The following LTBP3 variants were observed in gnomAD, a reference collection of about 807,000 sequenced individuals.
The protein encoded by LTBP3 is latent transforming growth factor beta binding protein 3.
In LTBP3, 97 loss-of-function variants were observed where a neutral mutation model predicts 159.7. The ratio of observed to expected loss-of-function variants is 0.61; its 90% confidence interval spans 0.52 to 0.72. LTBP3 has a LOEUF of 0.72. Among genes scored for constraint, LTBP3 ranks in the 30% least tolerant of loss-of-function variants. The probability of loss-of-function intolerance (pLI) is 0.00; values close to 1 mark genes in which losing one functional copy is unlikely to be tolerated. For missense variants in LTBP3, 1,584 were observed against 1,864.3 expected, an observed-to-expected ratio of 0.85 and a Z score of 2.77; for synonymous variants, 824 against 777.1, an observed-to-expected ratio of 1.06 and a Z score of -1.00.
rs908115215 is a variant in LTBP3, at chr11:65,539,543, C to T, written c.3628+5G>A. The T allele has an allele frequency of 3.7e-6, 6 of 1,612,408 alleles. No homozygotes were observed. The Admixed American group carries it at 6.7e-5, about 18-fold the overall frequency. On this transcript the variant is annotated splice_donor_5th_base_variant and intron_variant, in intron 26 of 27. Transcript: ENST00000301873. Reference sequence around the variant, plus strand: ...CCCGCCACCGCCCGACCCGGCAGCACTCACCTCTTGGGGGCTTCCCCAACA... The same window carrying T: ...CCCGCCACCGCCCGACCCGGCAGCATTCACCTCTTGGGGGCTTCCCCAACA...
Position 65,552,948 on chromosome 11 carries a change from G to C in LTBP3, c.1098C>G (p.Arg366=), listed in dbSNP as rs1240110017. ...CAGGGTTGTTGAGGCAGTCACCATG[G>C]CGACACACGCCCGGCATTGCGCACT... ...INECAMPGVC[R]HGDCLNNPGS... is the part of the protein sequence containing the mutation. Residue 366 remains arginine (R), a synonymous_variant, in exon 6 of 28, where the codon CGC becomes CGG. Coordinates refer to ENST00000301873, the MANE Select transcript of LTBP3 (RefSeq NM_001130144.3). The surrounding 1 kb of genome is among the most constrained non-coding windows in gnomAD (Gnocchi z 6.0). 1 of 1,614,202 alleles carries C rather than the reference G, an allele frequency of 6.2e-7. No homozygotes were observed. Among genetic ancestry groups the C allele is most frequent in the South Asian group, 1.1e-5 (1 of 91,082 alleles).
At chr11:65,551,776 G>A in intron 8 of LTBP3, 196 bp downstream of exon 8, 1 of 905,478 alleles carries the variant, frequency 1.1e-6, no homozygotes, top group South Asian at 1.4e-5. Flanking sequence ...AGGTCAGGCT[G>A]TAGAAGGCTT....
rs1197308237 is a variant in LTBP3 at position 65,551,138 on chromosome 11, T to C, written c.1708A>G (p.Thr570Ala). The C allele has an allele frequency of 6.4e-7, 1 of 1,553,190 alleles. No homozygotes were observed. Among genetic ancestry groups the C allele is most frequent in the Non-Finnish European group, 8.7e-7 (1 of 1,148,620 alleles). ...GGGCGGGCCTTACCTGTGACCTGAGTGGGAGCGATCTCTACGGCGCTGCGG... is the reference window on the plus strand; with the variant it reads ...GGGCGGGCCTTACCTGTGACCTGAGCGGGAGCGATCTCTACGGCGCTGCGG... ...PSRSAVEIAP[T>A]QVTETDECRL... Residue 570 changes from threonine (T) to alanine (A), a missense_variant, in exon 11 of 28, where the codon ACT (threonine) becomes GCT (alanine). Thr to Ala is a moderately conservative substitution (Grantham distance 58). This residue lies in a region of LTBP3 where 565 missense variants were observed against 677.7 expected (regional missense o/e 0.83). Transcript: ENST00000301873.
At position 65,539,091 on chromosome 11, in the gene LTBP3, G is replaced by C; in HGVS notation, c.3901C>G (p.Arg1301Gly). The change falls in exon 28 of 28, where the codon CGC becomes GGC. Residue 1301 changes from arginine to glycine, a missense_variant. Arg to Gly is a moderately radical substitution (Grantham distance 125). This residue lies in a region of LTBP3 where 514 missense variants were observed against 530.3 expected (regional missense o/e 0.97). Transcript: ENST00000301873. ...SRPHGACVPQ[R>G]RR Reference sequence around the variant, plus strand: ...CGGCGTCGGCGGCGTCAGCGGCGGCGCTGGGGAACGCAGGCCCCGTGCGGG... The same window carrying C: ...CGGCGTCGGCGGCGTCAGCGGCGGCCCTGGGGAACGCAGGCCCCGTGCGGG... 1 of 1,426,364 alleles carries C rather than the reference G, an allele frequency of 7.0e-7. No individual in the cohort carries two copies. Among genetic ancestry groups the C allele is most frequent in the Non-Finnish European group, 9.2e-7 (1 of 1,086,346 alleles). 88.4% of individuals were successfully genotyped at this position (1,426,364 alleles called of 1,614,324 possible). A position where few individuals can be genotyped will look rare whatever the true frequency, so the allele number is the denominator to read the frequency against.
rs1203529790 is a variant in LTBP3 at position 65,540,121 on chromosome 11, G to A, written c.3277C>T (p.Arg1093Cys). Reference protein sequence around the residue: ...VDECQDPAACRPGRCVNLPGS... With the variant: ...VDECQDPAACCPGRCVNLPGS... ...GGCAGGTTGACGCAGCGGCCAGGGC[G>A]GCAGGCTGCCGGGTCCTGGCACTCG... The change falls in exon 24 of 28, where the codon CGC (arginine) becomes TGC (cysteine). Residue 1093 changes from arginine (R) to cysteine (C), a missense_variant. Physicochemically the swap from Arg to Cys is radical, Grantham distance 180. Coordinates refer to ENST00000301873, the MANE Select transcript of LTBP3 (RefSeq NM_001130144.3). 3 of 1,526,844 alleles carry A rather than the reference G, an allele frequency of 2.0e-6. No individual in the cohort carries two copies. Among genetic ancestry groups the A allele is most frequent in the African/African-American group, 2.8e-5 (2 of 72,620 alleles). 94.6% of individuals were successfully genotyped at this position (1,526,844 alleles called of 1,614,324 possible). A position where few individuals can be genotyped will look rare whatever the true frequency, so the allele number is the denominator to read the frequency against.
At chr11:65,542,921 G>A (rs1168129349) in intron 18 of LTBP3, 184 bp downstream of exon 18, 6 of 835,214 alleles carry the variant, frequency 7.2e-6, no homozygotes, top group Non-Finnish European at 1.2e-5. Context: ...TGGAAGGATG[G>A]ATGGATAGAA....
chr11:65,541,899 C>T, intron 18 of LTBP3, 171 bp from the exon 19 acceptor site: 1 of 727,306 alleles, frequency 1.4e-6, no homozygotes, highest in Middle Eastern at 3.8e-4. Context: ...TGGACATTAG[C>T]TGCTGTCCTT....
In LTBP3 at chr11:65,540,868, T is replaced by C; in HGVS notation, c.2977+3A>G. The C allele has an allele frequency of 6.2e-7, 1 of 1,610,736 alleles. No homozygotes were observed. ...GGGGCGGGCGGAGCCGCAGGGCGCT[T>C]ACCACGGTGGGCTGGGATGCCGTAG... On this transcript the variant is annotated splice_donor_region_variant and intron_variant, in intron 21 of 27. Coordinates refer to ENST00000301873, the MANE Select transcript of LTBP3 (RefSeq NM_001130144.3).
In LTBP3 at chr11:65,552,238, C is replaced by G. The variant is rs1378977930; in HGVS notation, c.1345+10G>C. On this transcript the variant is annotated intron_variant, in intron 7 of 27. Coordinates refer to ENST00000301873, the MANE Select transcript of LTBP3 (RefSeq NM_001130144.3). The surrounding 1 kb of genome is among the most constrained non-coding windows in gnomAD (Gnocchi z 6.0). ...CTATGAACCCCTATCCCCGGGTAAC[C>G]CTGACTCACCGGTGCCATCTGTTGG... The G allele has an allele frequency of 1.2e-6, 2 of 1,614,132 alleles. No individual in the cohort carries two copies. The highest frequency in any genetic ancestry group is 3.3e-5 in the Admixed American group (2 of 60,026).
chr11:65,546,633 T>C lies in LTBP3; in HGVS notation c.2231-69A>G. The C allele has an allele frequency of 6.3e-7, 1 of 1,592,394 alleles. No homozygotes were observed. Among genetic ancestry groups the C allele is most frequent in the Admixed American group, 1.7e-5 (1 of 59,516 alleles). On this transcript the variant is annotated intron_variant, in intron 15 of 27. Coordinates refer to ENST00000301873, the MANE Select transcript of LTBP3 (RefSeq NM_001130144.3). This position sits in a 1 kb window ranked among gnomAD's most constrained non-coding sequence, Gnocchi z 4.0. ...GCGGACCGCGCACCTCGCGGGGGTG[T>C]GGGTCTCTTCCCTGGAACGCGGGGT...
In LTBP3 at chr11:65,553,076, T is replaced by A. The variant is rs1856670616; in HGVS notation, c.1063+88A>T. ...CTCAGGGTCTTGCCCCAGCCCCACC[T>A]CCTCTCTCGCCCACCTTGGGACCCT... On this transcript the variant is annotated intron_variant, in intron 5 of 27. Coordinates refer to ENST00000301873, the MANE Select transcript of LTBP3 (RefSeq NM_001130144.3). The surrounding 1 kb of genome is among the most constrained non-coding windows in gnomAD (Gnocchi z 6.5). The A allele has an allele frequency of 6.2e-7, 1 of 1,605,074 alleles. No homozygotes were observed. The highest frequency in any genetic ancestry group is 1.3e-5 in the African/African-American group (1 of 74,608).
Position 65,543,523 on chromosome 11 carries a change from C to A in LTBP3, c.2380G>T (p.Val794Leu). Residue 794 changes from valine (V) to leucine (L), a missense_variant, in exon 17 of 28, where the codon GTG (valine) becomes TTG (leucine). Val to Leu is a conservative substitution (Grantham distance 32). This residue lies in a region of LTBP3 where 565 missense variants were observed against 677.7 expected (regional missense o/e 0.83). Coordinates refer to ENST00000301873, the MANE Select transcript of LTBP3 (RefSeq NM_001130144.3). ...TTGCTGCAGATGCCATTGTCACACA[C>A]GTCCCCAGCCTCACACTCGTCCACA... ...LDVDECEAGD[V>L]CDNGICSNTP... The A allele has an allele frequency of 6.2e-7, 1 of 1,614,102 alleles. No homozygotes were observed. The highest frequency in any genetic ancestry group is 1.3e-5 in the African/African-American group (1 of 75,018).
chr11:65,539,823 G>A lies in LTBP3; in HGVS notation c.3444C>T (p.Cys1148=), dbSNP rs1442168258. The change falls in exon 25 of 28, where the codon TGC becomes TGT. Residue 1148 remains cysteine, a synonymous_variant. Coordinates refer to ENST00000301873, the MANE Select transcript of LTBP3 (RefSeq NM_001130144.3). ...GGGCAGGCCCGGCCAGGGGGCCAGC[G>A]CACATGCCGTCCTCTCCGCGCTGGC... is the stretch of plus-strand genomic sequence containing the variant. The part of the protein sequence containing the change: ...CWSQRGEDGM[C]AGPLAGPALT... 1.6e-5 allele frequency: 24 copies of A among 1,530,304 alleles called. No individual in the cohort carries two copies. Among genetic ancestry groups the A allele is most frequent in the Non-Finnish European group, 2.0e-5 (23 of 1,145,400 alleles). The allele number at this position is 1,530,304 out of a possible 1,614,324, so 94.8% of individuals were successfully genotyped here.
At chr11:65,540,721 G>A in intron 21 of LTBP3, 107 bp from the exon 22 acceptor site, 1 of 1,564,890 alleles carries the variant, frequency 6.4e-7, no homozygotes, top group Non-Finnish European at 8.7e-7. Context: ...GCCTACAGGA[G>A]GGGCGGGGCC....
Position 65,539,615 on chromosome 11 carries a change from C to T in LTBP3, c.3561G>A (p.Pro1187=), listed in dbSNP as rs758226823. The change falls in exon 26 of 28, where the codon CCG becomes CCA. Residue 1187 remains proline (P), a synonymous_variant. Coordinates refer to ENST00000301873, the MANE Select transcript of LTBP3 (RefSeq NM_001130144.3). ...CPPRGAGSHC[P]TSQSESNSFW... The stretch of plus-strand genomic sequence containing the variant: ...AGGAATTGCTCTCGCTCTGCGATGT[C>T]GGGCAATGGGACCCTGGGAGGAGCA... The T allele has an allele frequency of 2.5e-6, 4 of 1,611,212 alleles. No homozygotes were observed. The highest frequency in any genetic ancestry group is 1.1e-5 in the South Asian group (1 of 90,704).
At position 65,541,749 on chromosome 11, in the gene LTBP3, A is replaced by C. The variant is rs1289887433; in HGVS notation, c.2597-21T>G. The C allele has an allele frequency of 2.5e-6, 4 of 1,613,626 alleles. No individual in the cohort carries two copies. The South Asian group carries it at 4.4e-5, about 18-fold the overall frequency. ...TATGTCTGCGGGGCAAGAGTAGCGC[A>C]GCTGGAAACCCAGCCCCTCTTTCCC... On this transcript the variant is annotated intron_variant, in intron 18 of 27. Transcript: ENST00000301873.
At position 65,552,947 on chromosome 11, in the gene LTBP3, G is replaced by A; in HGVS notation, c.1099C>T (p.His367Tyr). The A allele has an allele frequency of 6.2e-7, 1 of 1,614,204 alleles. No homozygotes were observed. Residue 367 changes from histidine (H) to tyrosine (Y), a missense_variant, in exon 6 of 28, where the codon CAT (histidine) becomes TAT (tyrosine). Physicochemically the swap from His to Tyr is moderately conservative, Grantham distance 83 (BLOSUM62 2). Coordinates refer to ENST00000301873, the MANE Select transcript of LTBP3 (RefSeq NM_001130144.3). The surrounding 1 kb of genome is among the most constrained non-coding windows in gnomAD (Gnocchi z 6.0). ...NECAMPGVCRHGDCLNNPGSY... is the reference protein window; with the variant it reads ...NECAMPGVCRYGDCLNNPGSY... ...CCAGGGTTGTTGAGGCAGTCACCAT[G>A]GCGACACACGCCCGGCATTGCGCAC...
In LTBP3 at chr11:65,546,572, G is replaced by T; in HGVS notation, c.2231-8C>A. 6.2e-7 allele frequency: 1 copy of T among 1,601,804 alleles called. No homozygotes were observed. Reference sequence around the variant, plus strand: ...CGGCGCACTCGTTCACGTCTGCGGCGGAAAGACCTAGCCTCGGACTCTGCC... The same window carrying T: ...CGGCGCACTCGTTCACGTCTGCGGCTGAAAGACCTAGCCTCGGACTCTGCC... On this transcript the variant is annotated splice_region_variant and splice_polypyrimidine_tract_variant and intron_variant, in intron 15 of 27. Coordinates refer to ENST00000301873, the MANE Select transcript of LTBP3 (RefSeq NM_001130144.3). The surrounding 1 kb of genome is among the most constrained non-coding windows in gnomAD (Gnocchi z 4.0).
intron 18 of LTBP3, 139 bp from the exon 19 acceptor site, chr11:65,541,867 TGCATGTGTCTGA>T (rs1856151744): frequency 1.1e-6 from 1 of 941,108 alleles, no homozygotes; most frequent in African/African-American, 1.6e-5. Flanking sequence ...GCTGTGTCTG[TGCATGTGTCTGA>T]ATGTGCATGT....
Sources: gnomAD v4.1 joint callset for allele counts on GRCh38, gnomAD v4.1.1 for gene constraint, gnomAD v4.1.1 regional missense constraint, Gnocchi (gnomAD v3.1) non-coding constraint, MANE v1.5 for transcripts, NCBI Gene and HGNC (gene_info 2026-07-23, HGNC 2026-07-21) for gene names.